CA5A: variants seen among roughly 807,000 people sequenced by gnomAD.
CA5A encodes carbonic anhydrase 5A.
In CA5A, 28 loss-of-function variants were observed where a neutral mutation model predicts 37.1. The ratio of observed to expected loss-of-function variants is 0.75; its 90% CI spans 0.56 to 1.03. CA5A has a LOEUF of 1.03. Ranked by LOEUF, CA5A falls within the 50% of genes least tolerant of loss-of-function variation. CA5A has a pLI of 0.00. For missense variants in CA5A, 444 were observed against 399.9 expected (o/e 1.11, Z -0.94); for synonymous variants, 171 against 158.4 (o/e 1.08, Z -0.60).
intron 2 of CA5A, among the ~76,000 whole-genome samples, chr16:87,914,072 A>G (rs1053752922): frequency 6.6e-5 from 10 of 152,344 alleles, no homozygotes; most frequent in African/African-American, 2.4e-4. Context: ...GGGTCTGGGA[A>G]GGGTCTGGGA....
At chr16:87,932,984 C>A (rs2056427928) in intron 1 of CA5A, among the ~76,000 whole-genome samples, 1 of 152,212 alleles carries the variant, frequency 6.6e-6, no homozygotes, top group Non-Finnish European at 1.5e-5. Context: ...TGAGTGCCTG[C>A]CCTCCGCCGT....
At chr16:87,909,891 C>T (rs1230527531) in intron 2 of CA5A, among the ~76,000 whole-genome samples, 1 of 152,124 alleles carries the variant, frequency 6.6e-6, no homozygotes, top group Non-Finnish European at 1.5e-5. Flanking sequence ...GTCGGACGCA[C>T]GTTCAGAAGC....
At chr16:87,935,439 C>T (rs758656683) in intron 1 of CA5A, among the ~76,000 whole-genome samples, 7 of 152,200 alleles carry the variant, frequency 4.6e-5, no homozygotes, top group Non-Finnish European at 8.8e-5. Context: ...GTTAGTGCAG[C>T]CCATTCCGCC....
Position 87,926,757 on chromosome 16 carries a change from C to G in CA5A, c.331G>C (p.Glu111Gln), listed in dbSNP as rs764707314. 1.9e-6 allele frequency: 3 copies of G among 1,613,242 alleles called. No homozygotes were observed. Among genetic ancestry groups the G allele is most frequent in the Non-Finnish European group, 2.5e-6 (3 of 1,179,446 alleles). ...CCCAGCTGGCACTCACCTGATGCCT[C>G]GGTGGCATCGTCAAATTCCACCTGG... is the stretch of plus-strand genomic sequence containing the variant. The part of the protein sequence containing the change: ...LFQVEFDDAT[E>Q]ASGISGGPLE... The change falls in exon 2 of 7, where the codon GAG (glutamate) becomes CAG (glutamine). Residue 111 changes from glutamate to glutamine, a missense_variant. Physicochemically the swap from Glu to Gln is conservative, Grantham distance 29. Coordinates refer to ENST00000649794, the MANE Select transcript of CA5A (RefSeq NM_001739.2).
In CA5A at chr16:87,888,281, G is replaced by C. The variant is rs766391896; in HGVS notation, c.775-9C>G. ...GTACGAAATGCAGAGAGCTGGAATA[G>C]AGGGCAGCCAGGGTGAGCTTGGTAT... On this transcript the variant is annotated splice_polypyrimidine_tract_variant and intron_variant, in intron 6 of 6. Coordinates refer to ENST00000649794, the MANE Select transcript of CA5A (RefSeq NM_001739.2). 1.3e-5 allele frequency: 21 copies of C among 1,609,896 alleles called. No homozygotes were observed. Among genetic ancestry groups the C allele is most frequent in the Non-Finnish European group, 1.7e-5 (20 of 1,177,002 alleles).
chr16:87,919,327 C>T (rs1411732091), intron 2 of CA5A, among the ~76,000 whole-genome samples: 12 of 152,224 alleles, frequency 7.9e-5, no homozygotes, highest in Admixed American at 7.9e-4. Context: ...GGAGTGCTGC[C>T]TCCCACTCTC....
At chr16:87,902,852 C>A (rs1384607895) in intron 3 of CA5A, among the ~76,000 whole-genome samples, 1 of 150,882 alleles carries the variant, frequency 6.6e-6, no homozygotes. Context: ...GTAGAGCTTG[C>A]AGTGAGCTGA....
At chr16:87,903,001 G>T (rs897325608) in intron 3 of CA5A, among the ~76,000 whole-genome samples, 1 of 151,946 alleles carries the variant, frequency 6.6e-6, no homozygotes, top group Non-Finnish European at 1.5e-5. Flanking sequence ...GGCCCTTGAC[G>T]AAGCCACAGG....
Position 87,891,323 on chromosome 16 carries a change from C to G in CA5A, c.774+476G>C, listed in dbSNP as rs184464324. Reference sequence around the variant, plus strand: ...TCTCTACTAAAAATACAAAAATTAGCCAGGCGTGGTGATGGGTGCCTGTAA... The same window carrying G: ...TCTCTACTAAAAATACAAAAATTAGGCAGGCGTGGTGATGGGTGCCTGTAA... On this transcript the variant is annotated intron_variant, in intron 6 of 6. Transcript: ENST00000649794. 4.9e-3 allele frequency among the ~76,000 whole-genome samples: 750 copies of G among 151,666 alleles called. 12 individuals carry two copies. Among genetic ancestry groups the G allele is most frequent in the African/African-American group, 0.017 (723 of 41,402 alleles).
At chr16:87,926,040 T>G (rs2144066566) in intron 2 of CA5A, among the ~76,000 whole-genome samples, 1 of 152,202 alleles carries the variant, frequency 6.6e-6, no homozygotes, top group East Asian at 1.9e-4. Context: ...CTGGCCAACA[T>G]GGCGACATCC....
At chr16:87,903,627 T>C (rs2055913422) in intron 3 of CA5A, among the ~76,000 whole-genome samples, 1 of 152,206 alleles carries the variant, frequency 6.6e-6, no homozygotes, top group African/African-American at 2.4e-5. Flanking sequence ...ATTTATAAAA[T>C]GTCCGGAGGT....
chr16:87,905,269 G>T (rs914907701), intron 2 of CA5A, among the ~76,000 whole-genome samples: 1 of 152,114 alleles, frequency 6.6e-6, no homozygotes, highest in Admixed American at 6.5e-5. Flanking sequence ...AAAAAAAAAG[G>T]TGTCTTCCAA....
intron 5 of CA5A, 33 bp from the exon 6 acceptor site, chr16:87,891,987 C>A: frequency 6.7e-7 from 1 of 1,497,160 alleles, no homozygotes; most frequent in South Asian, 1.3e-5. Context: ...ACGTGTCAGT[C>A]CTCAGGGGAG....
At chr16:87,931,898 T>G (rs1485601353) in intron 1 of CA5A, among the ~76,000 whole-genome samples, 1 of 151,026 alleles carries the variant, frequency 6.6e-6, no homozygotes, top group Non-Finnish European at 1.5e-5. Flanking sequence ...CTGCTTTAAT[T>G]CAGAACGACA....
chr16:87,882,842 C>T (rs1240939695), intron 4 of CA5A: 2 of 152,532 alleles, frequency 1.3e-5, no homozygotes, highest in African/African-American at 4.8e-5. Context: ...TCCTTCAACC[C>T]AATCCTCTTT....
At chr16:87,914,369 C>T (rs1279492090) in intron 2 of CA5A, among the ~76,000 whole-genome samples, 1 of 152,184 alleles carries the variant, frequency 6.6e-6, no homozygotes, top group Non-Finnish European at 1.5e-5. Context: ...CCGCCAGCAG[C>T]ACTGAGGGGT....
intron 2 of CA5A, among the ~76,000 whole-genome samples, chr16:87,910,026 A>G (rs1268453477): frequency 6.6e-6 from 1 of 152,188 alleles, no homozygotes; most frequent in Non-Finnish European, 1.5e-5. Flanking sequence ...TGTTACGGTT[A>G]AGTCACATGG....
At chr16:87,934,198 C>T (rs1028542281) in intron 1 of CA5A, among the ~76,000 whole-genome samples, 8 of 152,358 alleles carry the variant, frequency 5.3e-5, no homozygotes, top group South Asian at 2.1e-4. Context: ...CTTCTCCCAA[C>T]GACACTGTGC....
intron 6 of CA5A, among the ~76,000 whole-genome samples, chr16:87,890,380 T>A (rs762539736): frequency 3.3e-5 from 5 of 152,044 alleles, no homozygotes; most frequent in Non-Finnish European, 7.4e-5. Context: ...CGTTTGTATA[T>A]AAGGGAATAT....
Sources: gnomAD v4.1 joint callset for allele counts (sites outside exome capture counted in the v4.1 genomes callset) on GRCh38, gnomAD v4.1.1 for gene constraint, MANE v1.5 for transcripts, NCBI Gene and HGNC (gene_info 2026-07-23, HGNC 2026-07-21) for gene names.